The following PRDM12 variants were observed in gnomAD, a reference collection of about 807,000 sequenced individuals.
The protein encoded by PRDM12 is PR domain zinc finger protein 12.
In PRDM12, 17 loss-of-function variants were observed where a neutral mutation model predicts 29.6. The observed-to-expected ratio is 0.57, with a 90% confidence interval of 0.39 to 0.86. The LOEUF is 0.86. Ranked by LOEUF, PRDM12 falls within the 40% of genes least tolerant of loss-of-function variation. The pLI is 0.00. For missense variants in PRDM12, 422 were observed against 510.8 expected (o/e 0.83, Z 1.68); for synonymous variants, 231 against 225.8 (o/e 1.02, Z -0.21).
chr9:130,680,660 T>TATATATATATATATATA (rs1554753125), intron 4 of PRDM12, among the ~76,000 whole-genome samples: 54 of 49,302 alleles, frequency 1.1e-3, no homozygotes, highest in Non-Finnish European at 1.7e-3. Flanking sequence ...TATATATATA[T>TATATATATATATATATA]TTTTTTTTTT....
chr9:130,673,866 T>A (rs1255528907), intron 3 of PRDM12, among the ~76,000 whole-genome samples: 12 of 151,836 alleles, frequency 7.9e-5, no homozygotes, highest in African/African-American at 2.7e-4. Flanking sequence ...ACACAGGGTT[T>A]CTCCATGTTG....
intron 2 of PRDM12, among the ~76,000 whole-genome samples, chr9:130,667,430 C>A (rs1830743617): frequency 6.6e-6 from 1 of 152,166 alleles, no homozygotes; most frequent in African/African-American, 2.4e-5. Context: ...GGGAGGGCCA[C>A]CCCTGTGCTT....
chr9:130,678,773 A>G (rs1830866466), intron 4 of PRDM12, 133 bp downstream of exon 4: 1 of 702,252 alleles, frequency 1.4e-6, no homozygotes, highest in South Asian at 1.9e-5. Context: ...GGCAGCATTG[A>G]GCAGATCAGA....
At chr9:130,676,152 C>G (rs1210838823) in intron 3 of PRDM12, among the ~76,000 whole-genome samples, 1 of 152,108 alleles carries the variant, frequency 6.6e-6, no homozygotes, top group East Asian at 1.9e-4. Context: ...CTTCCTTCCA[C>G]CCCAGTGAGG....
In PRDM12 at chr9:130,682,675, T is replaced by TG. The variant is rs1830917402; in HGVS notation, c.*1007dup. The stretch of plus-strand genomic sequence containing the variant: ...GTCTGCCCACACTTCCCTCGGTCCC[T>TG]GCCCGTTTCCTCAAATTCGGGCCGT... On this transcript the variant is annotated 3_prime_UTR_variant, in exon 5 of 5. Coordinates refer to ENST00000253008, the MANE Select transcript of PRDM12 (RefSeq NM_021619.3). This position sits in a 1 kb window ranked among gnomAD's most constrained non-coding sequence, Gnocchi z 4.2. 1 of 152,442 alleles carries TG rather than the reference T, an allele frequency of 6.6e-6. No homozygotes were observed. The highest frequency in any genetic ancestry group is 2.1e-4 in the South Asian group (1 of 4,830). The allele number at this position is 152,442 out of a possible 1,614,324, so 9.4% of individuals were successfully genotyped here.
In PRDM12 at chr9:130,681,317, G is replaced by A. The variant is rs561447546; in HGVS notation, c.752G>A (p.Gly251Asp). The A allele has an allele frequency of 3.2e-6, 5 of 1,551,846 alleles. No individual in the cohort carries two copies. The highest frequency in any genetic ancestry group is 3.5e-6 in the Non-Finnish European group (4 of 1,145,694). Residue 251 changes from glycine to aspartate, a missense_variant, in exon 5 of 5, where the codon GGC becomes GAC. By Grantham distance (94) the Gly-to-Asp change is moderately conservative. Around this residue, in one of 5 missense-constraint regions of PRDM12, gnomAD observed 300 missense variants for 350.0 expected, o/e 0.86. Transcript: ENST00000253008. The surrounding 1 kb of genome is among the most constrained non-coding windows in gnomAD (Gnocchi z 8.1). The part of the protein sequence containing the change: ...GRMRCVICHR[G>D]FNSRSNLRSH... ...ATGCGATGCGTCATCTGCCACCGCGGCTTCAACTCGCGCAGCAACCTGCGC... is the reference window on the plus strand; with the variant it reads ...ATGCGATGCGTCATCTGCCACCGCGACTTCAACTCGCGCAGCAACCTGCGC...
At chr9:130,669,097 G>A (rs1297710965) in intron 3 of PRDM12, among the ~76,000 whole-genome samples, 2 of 152,020 alleles carry the variant, frequency 1.3e-5, no homozygotes, top group African/African-American at 4.8e-5. Flanking sequence ...AATTGCCGAG[G>A]CGGGCAGATC....
intron 3 of PRDM12, among the ~76,000 whole-genome samples, chr9:130,670,818 G>A (rs538578532): frequency 6.6e-6 from 1 of 152,204 alleles, no homozygotes; most frequent in East Asian, 1.9e-4. Flanking sequence ...GACCAGAAAC[G>A]CCTACATCAT....
intron 3 of PRDM12, among the ~76,000 whole-genome samples, chr9:130,671,646 T>C (rs1203799485): frequency 6.6e-6 from 1 of 152,204 alleles, no homozygotes. Context: ...TGGGTGTATG[T>C]GGCCACCCTC....
Position 130,681,759 on chromosome 9 carries a change from C to T in PRDM12, c.*90C>T. ...CGACTCGCCCTCCAGCCCCAACCCC[C>T]GGCCCGGCGCCGCCGCGGAGCCCCG... On this transcript the variant is annotated 3_prime_UTR_variant, in exon 5 of 5. Coordinates refer to ENST00000253008, the MANE Select transcript of PRDM12 (RefSeq NM_021619.3). This position sits in a 1 kb window ranked among gnomAD's most constrained non-coding sequence, Gnocchi z 8.1. 5.2e-6 allele frequency: 5 copies of T among 957,168 alleles called. No individual in the cohort carries two copies. Among genetic ancestry groups the T allele is most frequent in the Non-Finnish European group, 6.2e-6 (5 of 804,612 alleles). 59.3% of individuals were successfully genotyped at this position (957,168 alleles called of 1,614,324 possible).
intron 3 of PRDM12, among the ~76,000 whole-genome samples, chr9:130,675,273 G>A (rs973308312): frequency 1.3e-5 from 2 of 152,250 alleles, no homozygotes; most frequent in African/African-American, 2.4e-5. Context: ...CAGGCCTGGA[G>A]CCTGGAGGTG....
At chr9:130,679,032 C>T (rs1222246677) in intron 4 of PRDM12, among the ~76,000 whole-genome samples, 1 of 152,164 alleles carries the variant, frequency 6.6e-6, no homozygotes. Flanking sequence ...AGGGAAGGTC[C>T]TAGGCAAGAT....
Position 130,681,365 on chromosome 9 carries a change from T to G in PRDM12, c.800T>G (p.Leu267Arg), listed in dbSNP as rs1830899070. The G allele has an allele frequency of 6.3e-7, 1 of 1,588,040 alleles. No homozygotes were observed. Among genetic ancestry groups the G allele is most frequent in the Non-Finnish European group, 8.6e-7 (1 of 1,168,580 alleles). ...CGCTCGCACATGCGCATCCACACGC[T>G]GGACAAGCCCTTCGTGTGCCGCTTC... ...NLRSHMRIHT[L>R]DKPFVCRFCN... Residue 267 changes from leucine to arginine, a missense_variant, in exon 5 of 5, where the codon CTG becomes CGG. Coordinates refer to ENST00000253008, the MANE Select transcript of PRDM12 (RefSeq NM_021619.3). This position sits in a 1 kb window ranked among gnomAD's most constrained non-coding sequence, Gnocchi z 8.1.
rs2132591531 is a variant in PRDM12 at position 130,668,310 on chromosome 9, T to C, written c.567T>C (p.Ile189=). 1 of 1,613,104 alleles carries C rather than the reference T, an allele frequency of 6.2e-7. No homozygotes were observed. The highest frequency in any genetic ancestry group is 8.5e-7 in the Non-Finnish European group (1 of 1,179,884). ...GCACCAGCATCTTCTACAAGGCCATTGAGGTGTGTGTGTGTGTGTGCACTG... is the reference window on the plus strand; with the variant it reads ...GCACCAGCATCTTCTACAAGGCCATCGAGGTGTGTGTGTGTGTGTGCACTG... ...QIGTSIFYKA[I]EMIPPDQELL... The change falls in exon 3 of 5, where the codon ATT becomes ATC. Residue 189 remains isoleucine, a synonymous_variant. Coordinates refer to ENST00000253008, the MANE Select transcript of PRDM12 (RefSeq NM_021619.3). The surrounding 1 kb of genome is among the most constrained non-coding windows in gnomAD (Gnocchi z 4.0).
rs1208453412 is a variant in PRDM12 at position 130,680,654 on chromosome 9, TA to T, written c.683-593del. Among the ~76,000 whole-genome samples the T allele has an allele frequency of 2.0e-3, 174 of 86,500 alleles. 1 individual carries two copies. The highest frequency in any genetic ancestry group is 4.3e-3 in the East Asian group (12 of 2,774). 56.7% of individuals were successfully genotyped at this position (86,500 alleles called of 152,430 possible). Reference sequence around the variant, plus strand: ...AAAAAAATATATATATATATATATATATATATTTTTTTTTTTTTTAACTGAT... The same window carrying T: ...AAAAAAATATATATATATATATATATTATATTTTTTTTTTTTTTAACTGAT... On this transcript the variant is annotated intron_variant, in intron 4 of 4. Transcript: ENST00000253008.
intron 4 of PRDM12, among the ~76,000 whole-genome samples, chr9:130,680,659 A>ATATATATATATATATATATATTTTTTTTT: frequency 1.4e-5 from 1 of 72,170 alleles, no homozygotes; most frequent in Non-Finnish European, 2.2e-5. Flanking sequence ...ATATATATAT[A>ATATATATATATATATATATATTTTTTTTT]TTTTTTTTTT....
rs1284477155 is a variant in PRDM12 at position 130,681,063 on chromosome 9, G to C, written c.683-185G>C. On this transcript the variant is annotated intron_variant, in intron 4 of 4. Transcript: ENST00000253008. This position sits in a 1 kb window ranked among gnomAD's most constrained non-coding sequence, Gnocchi z 8.1. ...GTCCAACTCCCTATTGGACCCCCCAGCCGGGGTACCCTTCGCTGTCCCTCC... is the reference window on the plus strand; with the variant it reads ...GTCCAACTCCCTATTGGACCCCCCACCCGGGGTACCCTTCGCTGTCCCTCC... 1.3e-5 allele frequency among the ~76,000 whole-genome samples: 2 copies of C among 152,080 alleles called. No homozygotes were observed. The highest frequency in any genetic ancestry group is 4.8e-5 in the African/African-American group (2 of 41,422).
chr9:130,664,847 C>A lies in PRDM12; in HGVS notation c.194C>A (p.Ala65Asp). 1 of 1,548,424 alleles carries A rather than the reference C, an allele frequency of 6.5e-7. No homozygotes were observed. The highest frequency in any genetic ancestry group is 1.4e-5 in the African/African-American group (1 of 73,126). The change falls in exon 1 of 5, where the codon GCC becomes GAC. Residue 65 changes from alanine (A) to aspartate (D), a missense_variant. Around this residue, in one of 5 missense-constraint regions of PRDM12, gnomAD observed 300 missense variants for 350.0 expected, o/e 0.86. Coordinates refer to ENST00000253008, the MANE Select transcript of PRDM12 (RefSeq NM_021619.3). This position sits in a 1 kb window ranked among gnomAD's most constrained non-coding sequence, Gnocchi z 6.4. Reference sequence around the variant, plus strand: ...GCCAGCCCCAAGACAGCCTTCACCGCCGAGGTGCTGGCGCAGTCCTTCTCC... The same window carrying A: ...GCCAGCCCCAAGACAGCCTTCACCGACGAGGTGCTGGCGCAGTCCTTCTCC... ...HHASPKTAFT[A>D]EVLAQSFSGE...
chr9:130,679,313 T>G (rs1223762474), intron 4 of PRDM12, among the ~76,000 whole-genome samples: 1 of 150,362 alleles, frequency 6.7e-6, no homozygotes, highest in Admixed American at 6.7e-5. Flanking sequence ...ATTTTTTTTC[T>G]TTTTCTTTCT....
Sources: allele counts gnomAD v4.1 joint callset (sites outside exome capture counted in the v4.1 genomes callset), GRCh38; gene constraint gnomAD v4.1.1; regional missense constraint gnomAD v4.1.1; non-coding constraint Gnocchi (gnomAD v3.1); transcripts MANE v1.5; gene names NCBI Gene and HGNC (gene_info 2026-07-23, HGNC 2026-07-21).